The following CPSF3 variants were observed in gnomAD, a reference collection of about 807,000 sequenced individuals.
CPSF3 encodes the protein cleavage and polyadenylation specificity factor subunit 3.
CPSF3 carries 57 observed loss-of-function variants against 84.1 expected under a neutral mutation model. The observed-to-expected ratio is 0.68, with a 90% CI of 0.55 to 0.85. The LOEUF is 0.85. Ranked by LOEUF, CPSF3 falls within the 40% of genes least tolerant of loss-of-function variation. The pLI, the probability that CPSF3 is intolerant of heterozygous loss-of-function variation, is 0.00. For missense variants in CPSF3, 522 were observed against 838.8 expected, an observed-to-expected ratio of 0.62 and a Z score of 4.66; for synonymous variants, 275 against 278.1, an observed-to-expected ratio of 0.99 and a Z score of 0.11.
At chr2:9,424,260 C>T (rs1680252552) in intron 1 of CPSF3, 1 of 988,922 alleles carries the variant, frequency 1.0e-6, no homozygotes, top group South Asian at 4.6e-5. Context: ...TGTTTCTTAA[C>T]ACCAGGGCTT....
rs59061450 is a variant in CPSF3 at position 9,466,250 on chromosome 2, GCA to G, written c.1787-1451_1787-1450del. Among the ~76,000 whole-genome samples, 155 of 95,850 alleles carry G rather than the reference GCA, an allele frequency of 1.6e-3. 1 individual carries two copies. The highest frequency in any genetic ancestry group is 9.7e-3 in the South Asian group (34 of 3,516). The allele number at this position is 95,850 out of a possible 152,430, so 62.9% of individuals were successfully genotyped here. A position where few individuals can be genotyped will look rare whatever the true frequency, so the allele number is the denominator to read the frequency against. On this transcript the variant is annotated intron_variant, in intron 15 of 17. Transcript: ENST00000238112. Reference sequence around the variant, plus strand: ...CACACACACGTGCGCGCACGCACGCGCACACACGCACACAAAGACGCACGCAC... The same window carrying G: ...CACACACACGTGCGCGCACGCACGCGCACACGCACACAAAGACGCACGCAC...
At position 9,457,025 on chromosome 2, in the gene CPSF3, GAAGT is replaced by G. The variant is rs752236075; in HGVS notation, c.1698+2_1698+5del. 1.3e-6 allele frequency: 2 copies of G among 1,564,066 alleles called. No individual in the cohort carries two copies. Among genetic ancestry groups the G allele is most frequent in the East Asian group, 2.2e-5 (1 of 44,462 alleles). On this transcript the variant is annotated splice_donor_variant and coding_sequence_variant, in exon 14 of 18. Coordinates refer to ENST00000238112, the MANE Select transcript of CPSF3 (RefSeq NM_016207.4). LOFTEE classifies it high-confidence loss of function. Reference sequence around the variant, plus strand: ...ACAAGAACCAGGCATGGTGGTATTAGAAGTAAGAAAAGATCATTTACCTAAACAA... The same window carrying G: ...ACAAGAACCAGGCATGGTGGTATTAGAAGAAAAGATCATTTACCTAAACAA...
intron 1 of CPSF3, among the ~76,000 whole-genome samples, chr2:9,428,092 G>A (rs1389056959): frequency 6.6e-6 from 1 of 151,792 alleles, no homozygotes; most frequent in Non-Finnish European, 1.5e-5. Context: ...CGCCTCCTGG[G>A]TTCACACCAT....
intron 7 of CPSF3, among the ~76,000 whole-genome samples, chr2:9,437,427 A>C (rs148356914): frequency 0.014 from 2,081 of 152,072 alleles, 16 homozygotes; most frequent in Non-Finnish European, 0.02. Flanking sequence ...ACAACAACAA[A>C]AAAAAAACTA....
rs767463610 is a variant in CPSF3 at position 9,467,819 on chromosome 2, G to T, written c.1856+43G>T. 3.3e-6 allele frequency: 5 copies of T among 1,515,890 alleles called. No individual in the cohort carries two copies. The South Asian group carries it at 3.4e-5, about 10-fold the overall frequency. 93.9% of individuals were successfully genotyped at this position (1,515,890 alleles called of 1,614,324 possible). A position where few individuals can be genotyped will look rare whatever the true frequency, so the allele number is the denominator to read the frequency against. ...TATTTCTCAACAAGACAGTGACAGC[G>T]GCCGGAAGGAGCCCTGGATTCGGCT... On this transcript the variant is annotated intron_variant, in intron 16 of 17. Coordinates refer to ENST00000238112, the MANE Select transcript of CPSF3 (RefSeq NM_016207.4).
intron 10 of CPSF3, among the ~76,000 whole-genome samples, chr2:9,446,925 T>C (rs568768814): frequency 4.6e-5 from 7 of 152,222 alleles, no homozygotes; most frequent in African/African-American, 1.4e-4. Flanking sequence ...GTGGAAAGAC[T>C]GCCCAGAAGT....
intron 10 of CPSF3, among the ~76,000 whole-genome samples, chr2:9,444,139 ATTATATATATATATATATATT>A (rs1252935751): frequency 8.8e-6 from 1 of 113,246 alleles, no homozygotes; most frequent in Non-Finnish European, 2.0e-5. Flanking sequence ...TAATATATAT[ATTATATATATATATATATATT>A]TTTTTTTTTT....
rs993734465 is a variant in CPSF3, at chr2:9,468,729, C to T, written c.1856+953C>T. On this transcript the variant is annotated intron_variant, in intron 16 of 17. Coordinates refer to ENST00000238112, the MANE Select transcript of CPSF3 (RefSeq NM_016207.4). ...GCAACCTCCACCTCTCGGGTTCAAG[C>T]GATTCTCCTGCCTCAACCTCCCGAG... is the stretch of plus-strand genomic sequence containing the variant. Among the ~76,000 whole-genome samples the T allele has an allele frequency of 8.0e-5, 12 of 149,260 alleles. 1 individual carries two copies. Among genetic ancestry groups the T allele is most frequent in the South Asian group, 6.3e-4 (3 of 4,766 alleles).
intron 9 of CPSF3, among the ~76,000 whole-genome samples, chr2:9,443,067 G>A (rs1322210413): frequency 1.3e-5 from 2 of 152,168 alleles, no homozygotes; most frequent in African/African-American, 2.4e-5. Context: ...GGGGACTGAG[G>A]CAGGAGGCTT....
chr2:9,451,354 T>C (rs1681323013), intron 11 of CPSF3, among the ~76,000 whole-genome samples: 2 of 152,194 alleles, frequency 1.3e-5, no homozygotes, highest in Non-Finnish European at 2.9e-5. Context: ...AGAACAAATA[T>C]AGCACTGCCT....
At chr2:9,467,039 T>C (rs1036221225) in intron 15 of CPSF3, among the ~76,000 whole-genome samples, 2 of 152,208 alleles carry the variant, frequency 1.3e-5, no homozygotes, top group Admixed American at 6.5e-5. Context: ...GTAGAATTAC[T>C]AGGTCAAATG....
intron 9 of CPSF3, 76 bp from the exon 10 acceptor site, chr2:9,443,439 C>A: frequency 6.9e-7 from 1 of 1,444,276 alleles, no homozygotes; most frequent in Non-Finnish European, 9.4e-7. Context: ...TTTATGACTG[C>A]ATGAAAAAAA....
intron 5 of CPSF3, 140 bp downstream of exon 5, chr2:9,432,828 G>A (rs561728937): frequency 3.0e-5 from 18 of 603,936 alleles, no homozygotes; most frequent in African/African-American, 3.8e-5. Flanking sequence ...TACAGTTAAC[G>A]CTTGTTCCTT....
In CPSF3 at chr2:9,441,955, T is replaced by C. The variant is rs1296605095; in HGVS notation, c.1074T>C (p.Cys358=). The C allele has an allele frequency of 1.2e-6, 2 of 1,614,092 alleles. No homozygotes were observed. Among genetic ancestry groups the C allele is most frequent in the Admixed American group, 3.3e-5 (2 of 60,018 alleles). The change falls in exon 9 of 18, where the codon TGT becomes TGC. Residue 358 remains cysteine, a synonymous_variant. Transcript: ENST00000238112. Reference sequence around the variant, plus strand: ...ATGGTGTCATTATAGCGGGATACTGTGTAGAAGGGACACTTGCCAAGGTCA... The same window carrying C: ...ATGGTGTCATTATAGCGGGATACTGCGTAGAAGGGACACTTGCCAAGGTCA... The part of the protein sequence containing the change: ...KRNGVIIAGY[C]VEGTLAKHIM...
At chr2:9,429,885 G>T (rs779263499) in intron 2 of CPSF3, 38 bp from the exon 3 acceptor site, 1 of 1,353,212 alleles carries the variant, frequency 7.4e-7, no homozygotes. Flanking sequence ...TTAATAAAAT[G>T]TGCAGGAGAT....
At chr2:9,433,844 A>G (rs769363289) in intron 5 of CPSF3, 27 bp from the exon 6 acceptor site, 10 of 1,511,042 alleles carry the variant, frequency 6.6e-6, no homozygotes, top group East Asian at 4.5e-5. Flanking sequence ...CCCAAATCCT[A>G]ACTTTCTAGT....
chr2:9,445,303 A>G (rs1422329765), intron 10 of CPSF3, among the ~76,000 whole-genome samples: 2 of 152,172 alleles, frequency 1.3e-5, no homozygotes, highest in African/African-American at 4.8e-5. Flanking sequence ...TCAGCACTTC[A>G]TGCCGAAGTC....
At chr2:9,464,097 C>A (rs1229716596) in intron 15 of CPSF3, among the ~76,000 whole-genome samples, 6 of 151,908 alleles carry the variant, frequency 3.9e-5, no homozygotes, top group Non-Finnish European at 7.4e-5. Context: ...GTGTGTCTAA[C>A]CAACCACAAT....
intron 7 of CPSF3, among the ~76,000 whole-genome samples, chr2:9,437,279 C>G (rs1326926244): frequency 1.3e-5 from 2 of 152,056 alleles, no homozygotes; most frequent in East Asian, 1.9e-4. Flanking sequence ...TGGCACACAC[C>G]TGTAGTTCCA....
Sources: allele counts gnomAD v4.1 joint callset (sites outside exome capture counted in the v4.1 genomes callset), GRCh38; gene constraint gnomAD v4.1.1; transcripts MANE v1.5; gene names NCBI Gene and HGNC (gene_info 2026-07-23, HGNC 2026-07-21).